Variants in ACTR3B observed in about 807,000 individuals in gnomAD.
ACTR3B encodes actin-related protein 3B.
A neutral mutation model predicts 59.0 loss-of-function variants in ACTR3B; 8 were observed. The observed-to-expected ratio is 0.14, with a 90% CI of 0.08 to 0.24. The LOEUF (loss-of-function observed/expected upper bound fraction) is 0.24, where lower values mean the gene tolerates loss of function less well. Ranked by LOEUF, ACTR3B falls within the 10% of genes least tolerant of loss-of-function variation. ACTR3B has a pLI of 1.00. For synonymous variants in ACTR3B, 148 were observed against 197.9 expected (o/e 0.75, Z 2.12); for missense variants, 245 against 552.3 (o/e 0.44, Z 5.58).
chr7:152,790,708 G>A (rs1437100178), intron 2 of ACTR3B, among the ~76,000 whole-genome samples: 1 of 152,008 alleles, frequency 6.6e-6, no homozygotes, highest in Non-Finnish European at 1.5e-5. Context: ...GGAACAGTTT[G>A]CATAAGATAG....
At position 152,788,659 on chromosome 7, in the gene ACTR3B, C is replaced by T. The variant is rs533757375; in HGVS notation, c.100+5417C>T. 9.9e-5 allele frequency among the ~76,000 whole-genome samples: 15 copies of T among 152,138 alleles called. 1 individual carries two copies. The South Asian group carries it at 3.1e-3, about 31-fold the overall frequency. ...AACTCCTGACCTTGTGATTCACCCA[C>T]CTCAGCTTCCCAGCGTGCTGGGATT... On this transcript the variant is annotated intron_variant, in intron 2 of 11. Coordinates refer to ENST00000256001, the MANE Select transcript of ACTR3B (RefSeq NM_020445.6).
chr7:152,798,320 C>T (rs1003911700), intron 2 of ACTR3B, among the ~76,000 whole-genome samples: 3 of 152,022 alleles, frequency 2.0e-5, no homozygotes, highest in Non-Finnish European at 4.4e-5. Flanking sequence ...ACCTGTTGGC[C>T]ATTTGTATGT....
At chr7:152,797,778 G>GTGA (rs1295510236) in intron 2 of ACTR3B, among the ~76,000 whole-genome samples, 1 of 152,082 alleles carries the variant, frequency 6.6e-6, no homozygotes, top group Non-Finnish European at 1.5e-5. Context: ...ATGAGACCAT[G>GTGA]TGATATTTGT....
chr7:152,804,754 T>A (rs2098247261), intron 4 of ACTR3B, among the ~76,000 whole-genome samples: 1 of 152,242 alleles, frequency 6.6e-6, no homozygotes, highest in Non-Finnish European at 1.5e-5. Flanking sequence ...AGGAACTTTC[T>A]TCTGCACCAG....
chr7:152,848,425 T>C (rs1367533565), intron 9 of ACTR3B, among the ~76,000 whole-genome samples: 2 of 152,186 alleles, frequency 1.3e-5, no homozygotes, highest in African/African-American at 4.8e-5. Flanking sequence ...AAAGGAGTTG[T>C]CTGTGGTGGG....
intron 9 of ACTR3B, among the ~76,000 whole-genome samples, chr7:152,850,363 C>T (rs1798702474): frequency 6.7e-6 from 1 of 148,922 alleles, no homozygotes; most frequent in Non-Finnish European, 1.5e-5. Flanking sequence ...AGGTGGAAGG[C>T]CAGATCACTG....
At chr7:152,775,534 C>A (rs1563079012) in intron 1 of ACTR3B, among the ~76,000 whole-genome samples, 1 of 152,028 alleles carries the variant, frequency 6.6e-6, no homozygotes, top group Non-Finnish European at 1.5e-5. Flanking sequence ...CCGAGGCGGG[C>A]AGATCACCTA....
chr7:152,843,418 C>G (rs1378207974), intron 9 of ACTR3B, among the ~76,000 whole-genome samples: 1 of 152,160 alleles, frequency 6.6e-6, no homozygotes, highest in Non-Finnish European at 1.5e-5. Context: ...ATCAATTATT[C>G]CCACATCATT....
At chr7:152,790,343 CT>C (rs1278714057) in intron 2 of ACTR3B, among the ~76,000 whole-genome samples, 1 of 152,104 alleles carries the variant, frequency 6.6e-6, no homozygotes, top group Non-Finnish European at 1.5e-5. Flanking sequence ...ACAGTTATTT[CT>C]TTTCTTTTTT....
intron 9 of ACTR3B, among the ~76,000 whole-genome samples, chr7:152,842,513 G>A (rs1049004324): frequency 6.6e-6 from 1 of 152,196 alleles, no homozygotes; most frequent in African/African-American, 2.4e-5. Flanking sequence ...AACTGACACC[G>A]TGGAGCGGGA....
intron 9 of ACTR3B, among the ~76,000 whole-genome samples, chr7:152,835,961 G>A (rs1184910434): frequency 3.4e-5 from 5 of 148,660 alleles, no homozygotes; most frequent in South Asian, 2.2e-4. Context: ...CGAGAGGCAC[G>A]GCAGGCTATG....
chr7:152,827,688 C>T (rs992857186), intron 9 of ACTR3B, among the ~76,000 whole-genome samples: 1 of 151,668 alleles, frequency 6.6e-6, no homozygotes, highest in African/African-American at 2.4e-5. Context: ...CCCCTCCTCC[C>T]CGGGCCGTCA....
chr7:152,796,480 T>C (rs965158012), intron 2 of ACTR3B, among the ~76,000 whole-genome samples: 2 of 144,516 alleles, frequency 1.4e-5, no homozygotes, highest in African/African-American at 4.9e-5. Context: ...CTAAACACTT[T>C]GTAAACATTG....
intron 9 of ACTR3B, among the ~76,000 whole-genome samples, chr7:152,845,073 C>T (rs1215333280): frequency 6.7e-6 from 1 of 149,304 alleles, no homozygotes; most frequent in Non-Finnish European, 1.5e-5. Context: ...CCGTTGCTGT[C>T]TTATCCACCA....
intron 9 of ACTR3B, among the ~76,000 whole-genome samples, chr7:152,835,835 G>A (rs1230083081): frequency 6.6e-6 from 1 of 151,996 alleles, no homozygotes; most frequent in Non-Finnish European, 1.5e-5. Context: ...CTCCCTACCC[G>A]AAACACATCT....
At chr7:152,760,484 A>G (rs2098086107) in intron 1 of ACTR3B, among the ~76,000 whole-genome samples, 1 of 152,078 alleles carries the variant, frequency 6.6e-6, no homozygotes, top group Non-Finnish European at 1.5e-5. Context: ...AATAGCATCG[A>G]TCTCCCAACT....
intron 1 of ACTR3B, among the ~76,000 whole-genome samples, chr7:152,768,567 C>T (rs546933865): frequency 4.6e-5 from 7 of 152,094 alleles, no homozygotes; most frequent in Non-Finnish European, 1.0e-4. Context: ...ACCTCCACCT[C>T]CTGGATTCAA....
chr7:152,827,503 T>C lies in ACTR3B; in HGVS notation c.951+2381T>C, dbSNP rs2689576. Among the ~76,000 whole-genome samples, 8 of 150,930 alleles carry C rather than the reference T, an allele frequency of 5.3e-5. No individual in the cohort carries two copies. In the South Asian group the frequency reaches 6.3e-4, roughly 12 times the overall value. On this transcript the variant is annotated intron_variant, in intron 9 of 11. Coordinates refer to ENST00000256001, the MANE Select transcript of ACTR3B (RefSeq NM_020445.6). ...AGTTAGAGTAGACCAGAATATGTTA[T>C]GATAAAAATTAATCCAAAATCTCAG...
chr7:152,762,690 A>ACCTCC (rs2098093635), intron 1 of ACTR3B, among the ~76,000 whole-genome samples: 1 of 150,852 alleles, frequency 6.6e-6, no homozygotes, highest in Non-Finnish European at 1.5e-5. Flanking sequence ...CCCATGAAAG[A>ACCTCC]CCTCCCCATC....
Sources: allele counts gnomAD v4.1 joint callset (sites outside exome capture counted in the v4.1 genomes callset), GRCh38; gene constraint gnomAD v4.1.1; transcripts MANE v1.5; gene names NCBI Gene and HGNC (gene_info 2026-07-23, HGNC 2026-07-21).